Variants in RADX observed in about 807,000 individuals in gnomAD.
RADX encodes the protein RPA1 related single stranded DNA binding protein, X-linked, also known as RPA-related protein RADX.
Under a neutral mutation model 61.6 loss-of-function variants are expected in RADX, and 36 were observed. The observed-to-expected ratio is 0.58, with a 90% CI of 0.45 to 0.77. The LOEUF (loss-of-function observed/expected upper bound fraction) is 0.77, where lower values mean the gene tolerates loss of function less well. Ranked by LOEUF, RADX falls within the 30% of genes least tolerant of loss-of-function variation. RADX has a pLI of 0.00. For synonymous variants in RADX, 272 were observed against 237.9 expected, an observed-to-expected ratio of 1.14 and a Z score of -1.32; for missense variants, 497 against 651.1, an observed-to-expected ratio of 0.76 and a Z score of 2.58.
At chrX:106,650,542 T>C (rs1927768284) in intron 11 of RADX, among the ~76,000 whole-genome samples, 1 of 110,432 alleles carries the variant, frequency 9.1e-6, no homozygotes, top group Non-Finnish European at 1.9e-5. Flanking sequence ...CTAGAAATAC[T>C]AGGCCAATCA....
intron 11 of RADX, among the ~76,000 whole-genome samples, chrX:106,654,296 T>A (rs868248655): frequency 1.1e-5 from 1 of 93,447 alleles, no homozygotes; most frequent in African/African-American, 7.4e-5. Flanking sequence ...TGATGATGAT[T>A]TTTTTTTCAT....
At chrX:106,652,735 A>G (rs1927826341) in intron 11 of RADX, among the ~76,000 whole-genome samples, 2 of 108,648 alleles carry the variant, frequency 1.8e-5, no homozygotes, top group Non-Finnish European at 3.8e-5. Context: ...GCCACTGAAA[A>G]CCAGGATAAA....
intron 10 of RADX, among the ~76,000 whole-genome samples, chrX:106,645,344 G>A (rs1453899047): frequency 9.0e-6 from 1 of 110,597 alleles, no homozygotes; most frequent in Non-Finnish European, 1.9e-5. Flanking sequence ...TGCATCATTA[G>A]GTTGCTTATT....
At chrX:106,669,370 A>G (rs1928312754) in intron 13 of RADX, 40 bp downstream of exon 13, 4 of 1,008,777 alleles carry the variant, frequency 4.0e-6, no homozygotes, top group Non-Finnish European at 5.4e-6. Context: ...AGAAAAAAAA[A>G]AAATTATAAA....
At position 106,669,301 on chromosome X, in the gene RADX, A is replaced by T. The variant is rs146117325; in HGVS notation, c.2408A>T (p.Asp803Val). Residue 803 changes from aspartate (D) to valine (V), a missense_variant, in exon 13 of 14, where the codon GAC becomes GTC. Transcript: ENST00000372548. ...CAYPQDTTGN[D>V]RLPGPRAVAG... ...TATCCACAGGACACAACTGGAAATG[A>T]CCGATTGCCAGGTCCAAGAGCGGTT... 3.2e-4 allele frequency: 382 copies of T among 1,201,161 alleles called. 3 individuals carry two copies. In the East Asian group the frequency reaches 0.011, roughly 35 times the overall value.
chrX:106,623,899 C>T (rs1488301652), intron 2 of RADX, among the ~76,000 whole-genome samples: 8 of 110,705 alleles, frequency 7.2e-5, no homozygotes, highest in African/African-American at 2.6e-4. Context: ...AGTTTTTTGC[C>T]TTCTCATTGT....
intron 9 of RADX, 117 bp from the exon 10 acceptor site, chrX:106,640,435 T>C (rs1432992836): frequency 2.2e-6 from 1 of 452,324 alleles, no homozygotes; most frequent in African/African-American, 2.5e-5. Context: ...ACTGTTATGA[T>C]TGAAGTTTTG....
chrX:106,640,668 A>C lies in RADX; in HGVS notation c.1851A>C (p.Thr617=). The stretch of plus-strand genomic sequence containing the variant: ...CTCAGTATTTCCAAACTACATCTAC[A>C]AATTTAAGTCTGAGCAATAAAATAA... The part of the protein sequence containing the change: ...VNSQYFQTTS[T]NLSLSNKIRI... Residue 617 remains threonine, a synonymous_variant, in exon 10 of 14, where the codon ACA becomes ACC. Transcript: ENST00000372548. 2 of 1,200,930 alleles carry C rather than the reference A, an allele frequency of 1.7e-6. No homozygotes were observed. Among genetic ancestry groups the C allele is most frequent in the Non-Finnish European group, 2.3e-6 (2 of 887,330 alleles).
chrX:106,659,345 A>G (rs2147636586), intron 11 of RADX, among the ~76,000 whole-genome samples: 1 of 111,944 alleles, frequency 8.9e-6, no homozygotes, highest in Admixed American at 9.5e-5. Flanking sequence ...CACGATGCCT[A>G]CGTACATACG....
intron 11 of RADX, among the ~76,000 whole-genome samples, chrX:106,661,149 CT>C (rs760243997): frequency 1.8e-5 from 2 of 111,033 alleles, no homozygotes; most frequent in East Asian, 5.7e-4. Flanking sequence ...AATACAAAGC[CT>C]AACCATATCA....
At chrX:106,632,495 ATAGTC>A in intron 3 of RADX, 125 bp from the exon 4 acceptor site, 2 of 376,371 alleles carry the variant, frequency 5.3e-6, no homozygotes, top group Non-Finnish European at 9.3e-6. Context: ...AACACTGATA[ATAGTC>A]TAGTTCTTGA....
chrX:106,612,763 A>T (rs749502417), intron 1 of RADX, 40 bp downstream of exon 1: 1 of 1,134,185 alleles, frequency 8.8e-7, no homozygotes, highest in Non-Finnish European at 1.2e-6. Context: ...TTTAAAAAAA[A>T]TAGTTTTCAG....
chrX:106,632,122 A>T (rs1293275205), intron 3 of RADX, among the ~76,000 whole-genome samples: 1 of 111,997 alleles, frequency 8.9e-6, no homozygotes, highest in African/African-American at 3.2e-5. Context: ...AATAGTAAAA[A>T]CCTGGAAATA....
intron 3 of RADX, among the ~76,000 whole-genome samples, chrX:106,631,666 T>C (rs1191708849): frequency 1.1e-5 from 1 of 88,080 alleles, no homozygotes. Flanking sequence ...ATTGTGCCAC[T>C]ACACTCCAGC....
Position 106,663,556 on chromosome X carries a change from G to A in RADX, c.2269+1251G>A, listed in dbSNP as rs953377045. On this transcript the variant is annotated intron_variant, in intron 12 of 13. Coordinates refer to ENST00000372548, the MANE Select transcript of RADX (RefSeq NM_018015.6). ...AATAATGCGTAAGACCTACAATTTT[G>A]TAGCAGAATAAGGTGACTATGGTCA... Among the ~76,000 whole-genome samples the A allele has an allele frequency of 2.7e-5, 3 of 111,618 alleles. No individual in the cohort carries two copies. The Admixed American group carries it at 2.9e-4, about 11-fold the overall frequency.
chrX:106,659,483 G>T (rs113938207), intron 11 of RADX, among the ~76,000 whole-genome samples: 3,118 of 111,455 alleles, frequency 0.028, 105 homozygotes, highest in African/African-American at 0.096. Flanking sequence ...AATTATAATT[G>T]TAAAATATAA....
chrX:106,668,409 T>C (rs748583841), intron 12 of RADX, among the ~76,000 whole-genome samples: 1 of 112,333 alleles, frequency 8.9e-6, no homozygotes, highest in Non-Finnish European at 1.9e-5. Context: ...TTGTTTACGC[T>C]TACTCTAGCC....
At chrX:106,646,735 G>A (rs1031442142) in intron 10 of RADX, among the ~76,000 whole-genome samples, 1 of 110,983 alleles carries the variant, frequency 9.0e-6, no homozygotes, top group African/African-American at 3.3e-5. Flanking sequence ...AAGCACCATG[G>A]GACTAATAAA....
chrX:106,652,876 C>T (rs1183397753), intron 11 of RADX, among the ~76,000 whole-genome samples: 6 of 107,681 alleles, frequency 5.6e-5, no homozygotes, highest in African/African-American at 2.0e-4. Context: ...TTACCAGTGA[C>T]TTGGGAGGCT....
Sources: allele counts gnomAD v4.1 joint callset (sites outside exome capture counted in the v4.1 genomes callset), GRCh38; gene constraint gnomAD v4.1.1; transcripts MANE v1.5; gene names NCBI Gene and HGNC (gene_info 2026-07-23, HGNC 2026-07-21).